Variants in SOS1 observed in about 807,000 individuals in gnomAD.
The protein encoded by SOS1 is son of sevenless homolog 1.
In SOS1, 25 loss-of-function variants were observed where a neutral mutation model predicts 157.6. The ratio of observed to expected loss-of-function variants is 0.16; its 90% CI spans 0.12 to 0.22. The LOEUF is 0.22. Ranked by LOEUF, SOS1 falls within the 10% of genes least tolerant of loss-of-function variation. SOS1 has a pLI of 1.00. For synonymous variants in SOS1, 528 were observed against 534.0 expected (o/e 0.99, Z 0.16); for missense variants, 1,237 against 1,599.1 (o/e 0.77, Z 3.86).
chr2:39,012,404 A>T, intron 13 of SOS1, 56 bp from the exon 14 acceptor site: 1 of 812,650 alleles, frequency 1.2e-6, no homozygotes, highest in East Asian at 3.5e-5. Context: ...AATATTTTAT[A>T]TTTTAAAAAT....
rs189101946 is a variant in SOS1, at chr2:39,105,956, C to T, written c.87+14380G>A. On this transcript the variant is annotated intron_variant, in intron 1 of 22. Transcript: ENST00000402219. ...ATCAGTCCAGGCGTGATAGCTCACA[C>T]CTGTAATCCTAGCAATTTGGGAGGC... Among the ~76,000 whole-genome samples, 316 of 151,636 alleles carry T rather than the reference C, an allele frequency of 2.1e-3. 2 individuals are homozygous for T. Among genetic ancestry groups the T allele is most frequent in the Non-Finnish European group, 3.3e-3 (225 of 67,850 alleles).
At chr2:39,045,267 A>T (rs1423884786) in intron 6 of SOS1, among the ~76,000 whole-genome samples, 4 of 105,112 alleles carry the variant, frequency 3.8e-5, no homozygotes, top group African/African-American at 1.1e-4. Context: ...AGAGAGAGAG[A>T]GAGAGAGTGT....
Position 39,058,667 on chromosome 2 carries a change from C to A in SOS1, c.345+6G>T. On this transcript the variant is annotated splice_donor_region_variant and intron_variant, in intron 3 of 22. Transcript: ENST00000402219. ...AAAAGGCAAGAAGGCAGTAGTTCAG[C>A]ATTACCTTTAATAAAGGATGAATTT... 1.9e-6 allele frequency: 3 copies of A among 1,612,374 alleles called. No homozygotes were observed. Among genetic ancestry groups the A allele is most frequent in the Non-Finnish European group, 2.5e-6 (3 of 1,178,822 alleles).
chr2:39,117,582 T>C (rs991376003), intron 1 of SOS1, among the ~76,000 whole-genome samples: 1 of 152,172 alleles, frequency 6.6e-6, no homozygotes, highest in Non-Finnish European at 1.5e-5. Flanking sequence ...AATTCTATGC[T>C]AAAAAGTGCA....
chr2:39,023,923 G>A (rs763764156), intron 9 of SOS1, 87 bp downstream of exon 9: 3 of 907,848 alleles, frequency 3.3e-6, no homozygotes, highest in Non-Finnish European at 5.4e-6. Flanking sequence ...TTTCTTCATT[G>A]TTTACTTGAG....
intron 1 of SOS1, among the ~76,000 whole-genome samples, chr2:39,085,192 T>C (rs6755453): frequency 0.036 from 5,535 of 152,232 alleles, 317 homozygotes; most frequent in African/African-American, 0.12. Context: ...ACTACAGGCA[T>C]ACACCACCAT....
At chr2:39,118,263 T>C (rs563180289) in intron 1 of SOS1, among the ~76,000 whole-genome samples, 2 of 152,060 alleles carry the variant, frequency 1.3e-5, no homozygotes, top group African/African-American at 4.8e-5. Flanking sequence ...CAGGTAAGAG[T>C]AAGAGAACAC....
At chr2:39,033,653 G>A (rs1670242745) in intron 8 of SOS1, among the ~76,000 whole-genome samples, 2 of 152,084 alleles carry the variant, frequency 1.3e-5, no homozygotes, top group Non-Finnish European at 2.9e-5. Flanking sequence ...CTCCTGCCCA[G>A]CCTTTTGAGT....
intron 3 of SOS1, among the ~76,000 whole-genome samples, chr2:39,057,798 C>G (rs1326186967): frequency 1.3e-5 from 2 of 152,068 alleles, no homozygotes; most frequent in Non-Finnish European, 2.9e-5. Flanking sequence ...GCAGGTATTT[C>G]TATTCAAAGA....
In SOS1 at chr2:39,019,452, C is replaced by T. The variant is rs74361116; in HGVS notation, c.1858+3118G>A. On this transcript the variant is annotated intron_variant, in intron 10 of 22. Transcript: ENST00000402219. The stretch of plus-strand genomic sequence containing the variant: ...CTTACTTAGGATAAGGAAATAGTCT[C>T]TTCATACCATTGCCAGATTTAGAAT... 3.0e-3 allele frequency among the ~76,000 whole-genome samples: 460 copies of T among 151,830 alleles called. 2 individuals are homozygous for T. Among genetic ancestry groups the T allele is most frequent in the Middle Eastern group, 0.01 (3 of 294 alleles).
chr2:39,124,123 G>A (rs1374618714), upstream of SOS1: 5 of 152,306 alleles, frequency 3.3e-5, no homozygotes, highest in African/African-American at 1.2e-4. Context: ...GCCCCGCTAA[G>A]GTCAAGGAGC....
chr2:39,035,303 C>G lies in SOS1; in HGVS notation c.983G>C (p.Gly328Ala). 6.2e-7 allele frequency: 1 copy of G among 1,613,476 alleles called. No homozygotes were observed. ...PGAALYLQSI[G>A]EGFKEAVQYV... ...TTGAACAGCTTCTTTGAAACCTTCGCCTATTGACTGGAAAAAAAAGTGATT... is the reference window on the plus strand; with the variant it reads ...TTGAACAGCTTCTTTGAAACCTTCGGCTATTGACTGGAAAAAAAAGTGATT... The change falls in exon 8 of 23, where the codon GGC (glycine) becomes GCC (alanine). Residue 328 changes from glycine (G) to alanine (A), a missense_variant. Transcript: ENST00000402219.
chr2:39,099,329 G>C (rs1174999142), intron 1 of SOS1, among the ~76,000 whole-genome samples: 2 of 152,136 alleles, frequency 1.3e-5, no homozygotes, highest in East Asian at 1.9e-4. Flanking sequence ...ATTTTGCTAA[G>C]TGAAAAAAGG....
intron 1 of SOS1, among the ~76,000 whole-genome samples, chr2:39,084,953 T>C (rs1672322488): frequency 6.6e-6 from 1 of 152,212 alleles, no homozygotes; most frequent in Admixed American, 6.5e-5. Context: ...ATGTATCCCT[T>C]TATCAATGAT....
intron 1 of SOS1, among the ~76,000 whole-genome samples, chr2:39,116,572 C>T (rs1673658149): frequency 6.6e-6 from 1 of 152,202 alleles, no homozygotes; most frequent in Admixed American, 6.5e-5. Context: ...CTGTTACTCC[C>T]CTACTTAAAA....
chr2:39,003,395 A>G lies in SOS1; in HGVS notation c.2791+3017T>C, dbSNP rs573343977. 3.3e-5 allele frequency among the ~76,000 whole-genome samples: 5 copies of G among 152,302 alleles called. No homozygotes were observed. The South Asian group carries it at 1.0e-3, about 32-fold the overall frequency. Reference sequence around the variant, plus strand: ...GTAAAATTATACTTTATCCCCGCTAAAACTGAGTTTCAAACAAGCTGCTTA... The same window carrying G: ...GTAAAATTATACTTTATCCCCGCTAGAACTGAGTTTCAAACAAGCTGCTTA... On this transcript the variant is annotated intron_variant, in intron 17 of 22. Coordinates refer to ENST00000402219, the MANE Select transcript of SOS1 (RefSeq NM_005633.4).
Position 39,035,322 on chromosome 2 carries a change from A to G in SOS1, c.976-12T>C, listed in dbSNP as rs1383564194. On this transcript the variant is annotated splice_polypyrimidine_tract_variant and intron_variant, in intron 7 of 22. Coordinates refer to ENST00000402219, the MANE Select transcript of SOS1 (RefSeq NM_005633.4). ...CCTTCGCCTATTGACTGGAAAAAAA[A>G]GTGATTTAATTTTTTTTTTAAGTTT... 1 of 1,611,362 alleles carries G rather than the reference A, an allele frequency of 6.2e-7. No individual in the cohort carries two copies.
Position 39,022,635 on chromosome 2 carries a change from A to C in SOS1, c.1793T>G (p.Ile598Ser). The C allele has an allele frequency of 6.2e-7, 1 of 1,613,432 alleles. No homozygotes were observed. Among genetic ancestry groups the C allele is most frequent in the Non-Finnish European group, 8.5e-7 (1 of 1,179,440 alleles). Residue 598 changes from isoleucine (I) to serine (S), a missense_variant, in exon 10 of 23, where the codon ATT becomes AGT. By Grantham distance (142) the Ile-to-Ser change is moderately radical. This residue lies in a region of SOS1 where 210 missense variants were observed against 220.2 expected (regional missense o/e 0.95). Transcript: ENST00000402219. ...FEENMQPKAG[I>S]PIIKAGTVIK... ...AACAGTTCCTGCTTTGATAATTGGA[A>C]TTCCAGCCTTGGGCTGCATGTTCTC... is the stretch of plus-strand genomic sequence containing the variant.
chr2:39,052,089 C>G (rs1359769202), intron 5 of SOS1, among the ~76,000 whole-genome samples: 1 of 152,160 alleles, frequency 6.6e-6, no homozygotes, highest in Non-Finnish European at 1.5e-5. Context: ...TCCCCAGTGC[C>G]TGACAACCAC....
Sources: gnomAD v4.1 joint callset for allele counts (sites outside exome capture counted in the v4.1 genomes callset) on GRCh38, gnomAD v4.1.1 for gene constraint, gnomAD v4.1.1 regional missense constraint, MANE v1.5 for transcripts, NCBI Gene and HGNC (gene_info 2026-07-23, HGNC 2026-07-21) for gene names.